Variants in NRXN1 observed in about 807,000 individuals in gnomAD.
NRXN1 encodes neurexin 1.
A neutral mutation model predicts 150.9 loss-of-function variants in NRXN1; 39 were observed. The ratio of observed to expected loss-of-function variants is 0.26; its 90% CI spans 0.20 to 0.34. The LOEUF (loss-of-function observed/expected upper bound fraction) is 0.34, where lower values mean the gene tolerates loss of function less well. NRXN1 is among the 10% of genes least tolerant of loss of function. The probability of loss-of-function intolerance (pLI) is 1.00; values close to 1 mark genes in which losing one functional copy is unlikely to be tolerated. For missense variants in NRXN1, 1,815 were observed against 1,949.9 expected, an observed-to-expected ratio of 0.93 and a Z score of 1.30; for synonymous variants, 924 against 757.0, an observed-to-expected ratio of 1.22 and a Z score of -3.62.
chr2:50,431,177 T>C (rs2084934395), intron 17 of NRXN1, among the ~76,000 whole-genome samples: 1 of 152,204 alleles, frequency 6.6e-6, no homozygotes, highest in Non-Finnish European at 1.5e-5. Context: ...CCAATCTTTG[T>C]CTACCCACTG....
At chr2:50,033,104 T>C (rs868459124) in intron 21 of NRXN1, among the ~76,000 whole-genome samples, 5 of 151,976 alleles carry the variant, frequency 3.3e-5, no homozygotes, top group Non-Finnish European at 7.4e-5. Context: ...TTAAGTACCA[T>C]GAGGGCAGGA....
intron 5 of NRXN1, among the ~76,000 whole-genome samples, chr2:50,890,498 T>C (rs1034408553): frequency 2.6e-5 from 4 of 151,868 alleles, no homozygotes; most frequent in Non-Finnish European, 5.9e-5. Flanking sequence ...CTTAGATTTT[T>C]TTTAATGTGA....
At chr2:49,983,545 G>A (rs2152510927) in intron 21 of NRXN1, among the ~76,000 whole-genome samples, 1 of 151,926 alleles carries the variant, frequency 6.6e-6, no homozygotes, top group Middle Eastern at 3.4e-3. Flanking sequence ...TGACTTTCAG[G>A]CTTAGATAGC....
At chr2:50,381,153 A>G (rs2080928429) in intron 17 of NRXN1, among the ~76,000 whole-genome samples, 1 of 152,152 alleles carries the variant, frequency 6.6e-6, no homozygotes. Flanking sequence ...ATAAGCCCAA[A>G]GAGTTCAGGT....
At chr2:50,983,221 C>T (rs1697124042) in intron 2 of NRXN1, among the ~76,000 whole-genome samples, 1 of 151,972 alleles carries the variant, frequency 6.6e-6, no homozygotes, top group Non-Finnish European at 1.5e-5. Flanking sequence ...AATTGTATAT[C>T]TCTAAGTTTA....
chr2:50,388,007 G>C (rs969234654), intron 17 of NRXN1, among the ~76,000 whole-genome samples: 2 of 152,082 alleles, frequency 1.3e-5, no homozygotes, highest in Non-Finnish European at 2.9e-5. Context: ...TGATTTTGAA[G>C]GAGCTAAACA....
chr2:50,834,989 G>A (rs1671912389), intron 5 of NRXN1, among the ~76,000 whole-genome samples: 1 of 152,054 alleles, frequency 6.6e-6, no homozygotes, highest in Admixed American at 6.6e-5. Context: ...TATTAGATTT[G>A]TCTTCTTTCA....
At chr2:51,026,296 C>G (rs1040698649) in intron 2 of NRXN1, 2 of 948,374 alleles carry the variant, frequency 2.1e-6, no homozygotes, top group Admixed American at 4.0e-5. Flanking sequence ...TTGCTTTGAC[C>G]CATAAGCTAT....
At chr2:50,044,386 G>C (rs936793730) in intron 21 of NRXN1, among the ~76,000 whole-genome samples, 73 of 152,128 alleles carry the variant, frequency 4.8e-4, no homozygotes, top group African/African-American at 1.7e-3. Context: ...CTACAGACTT[G>C]ATGGTAATGT....
intron 2 of NRXN1, among the ~76,000 whole-genome samples, chr2:50,975,677 C>T (rs1297383515): frequency 1.3e-5 from 2 of 152,040 alleles, no homozygotes; most frequent in Admixed American, 1.3e-4. Flanking sequence ...TCTTTGCTTG[C>T]CCTGCGTCCT....
intron 8 of NRXN1, among the ~76,000 whole-genome samples, chr2:50,561,521 T>C (rs536534886): frequency 2.2e-4 from 33 of 152,148 alleles, no homozygotes; most frequent in Non-Finnish European, 3.7e-4. Context: ...AAATAATGTA[T>C]TGGGGACTTC....
chr2:50,808,327 G>T (rs1258886679), intron 5 of NRXN1, among the ~76,000 whole-genome samples: 1 of 151,888 alleles, frequency 6.6e-6, no homozygotes, highest in Non-Finnish European at 1.5e-5. Flanking sequence ...CATGTTTTAT[G>T]GAAAACTTTT....
intron 19 of NRXN1, among the ~76,000 whole-genome samples, chr2:50,067,637 G>C (rs138805632): frequency 5.3e-4 from 81 of 152,326 alleles, no homozygotes; most frequent in African/African-American, 1.8e-3. Flanking sequence ...TTTTGTGCCA[G>C]TTGTGTAGCA....
At chr2:50,610,133 G>A (rs777126379) in intron 8 of NRXN1, among the ~76,000 whole-genome samples, 6 of 152,058 alleles carry the variant, frequency 3.9e-5, no homozygotes, top group Admixed American at 6.6e-5. Context: ...CTAAAGACAA[G>A]AGTATATCAT....
chr2:50,632,962 A>G (rs1573895065), intron 5 of NRXN1: 1 of 152,094 alleles, frequency 6.6e-6, no homozygotes, highest in East Asian at 1.9e-4. Flanking sequence ...CCTTTAGGCA[A>G]TATTACAATA....
At chr2:50,093,354 A>G (rs1377240) in intron 18 of NRXN1, among the ~76,000 whole-genome samples, 78,980 of 151,432 alleles carry the variant, frequency 0.52, 21,011 homozygotes, top group African/African-American at 0.57. Context: ...GATGGCACAC[A>G]TGTATAATCC....
chr2:50,946,953 T>A (rs1338914222), intron 2 of NRXN1, among the ~76,000 whole-genome samples: 1 of 152,168 alleles, frequency 6.6e-6, no homozygotes, highest in Non-Finnish European at 1.5e-5. Flanking sequence ...ATGACTTTCC[T>A]ATATATGTGG....
intron 17 of NRXN1, among the ~76,000 whole-genome samples, chr2:50,255,226 T>C (rs1461882981): frequency 6.6e-6 from 1 of 152,154 alleles, no homozygotes; most frequent in Non-Finnish European, 1.5e-5. Context: ...AACTCAACGA[T>C]ATAAGATTTT....
At chr2:49,989,518 G>A (rs1573252400) in intron 21 of NRXN1, among the ~76,000 whole-genome samples, 1 of 152,264 alleles carries the variant, frequency 6.6e-6, no homozygotes, top group Non-Finnish European at 1.5e-5. Flanking sequence ...TTGAACAAGT[G>A]AGTTTATTAA....
Sources: gnomAD v4.1 joint callset for allele counts (sites outside exome capture counted in the v4.1 genomes callset) on GRCh38, gnomAD v4.1.1 for gene constraint, MANE v1.5 for transcripts, NCBI Gene and HGNC (gene_info 2026-07-23, HGNC 2026-07-21) for gene names.